The following ST8SIA6 variants were observed in gnomAD, a reference collection of about 807,000 sequenced individuals.
The protein encoded by ST8SIA6 is ST8 alpha-N-acetyl-neuraminide alpha-2,8-sialyltransferase 6.
In ST8SIA6, 39 loss-of-function variants were observed where a neutral mutation model predicts 33.6. The ratio of observed to expected loss-of-function variants is 1.16; its 90% CI spans 0.90 to 1.52. ST8SIA6 has a LOEUF of 1.52. Ranked by LOEUF, ST8SIA6 falls within the 40% of genes most tolerant of loss-of-function variation. The pLI is 0.00. For missense variants in ST8SIA6, 441 were observed against 443.8 expected (o/e 0.99, Z 0.06); for synonymous variants, 172 against 167.2 (o/e 1.03, Z -0.22).
At chr10:17,353,929 G>A (rs994930309) in intron 4 of ST8SIA6, among the ~76,000 whole-genome samples, 5 of 152,146 alleles carry the variant, frequency 3.3e-5, no homozygotes, top group African/African-American at 4.8e-5. Context: ...TGTGTATTTC[G>A]GGGTTGGGGG....
At chr10:17,412,024 C>T (rs1316255702) in intron 2 of ST8SIA6, among the ~76,000 whole-genome samples, 2 of 152,020 alleles carry the variant, frequency 1.3e-5, no homozygotes, top group Non-Finnish European at 2.9e-5. Context: ...TTAAGCCCCT[C>T]TCGCTGCACC....
chr10:17,432,320 A>G (rs552080845), intron 2 of ST8SIA6, among the ~76,000 whole-genome samples: 137 of 152,260 alleles, frequency 9.0e-4, no homozygotes, highest in African/African-American at 3.2e-3. Flanking sequence ...TAAAAGGACC[A>G]CTTAGTGTGC....
At chr10:17,333,012 A>G (rs111349630) in intron 4 of ST8SIA6, among the ~76,000 whole-genome samples, 2,430 of 152,078 alleles carry the variant, frequency 0.016, 25 homozygotes, top group Non-Finnish European at 0.022. Context: ...TTGCCTGTTC[A>G]CTCCGATGCT....
At chr10:17,359,747 A>T (rs778349389) in intron 3 of ST8SIA6, 147 bp from the exon 4 acceptor site, 2 of 477,222 alleles carry the variant, frequency 4.2e-6, no homozygotes, top group African/African-American at 4.1e-5. Flanking sequence ...TACTCATTTC[A>T]AAACACTGAG....
intron 3 of ST8SIA6, among the ~76,000 whole-genome samples, chr10:17,367,483 G>T (rs988411679): frequency 1.3e-5 from 2 of 152,044 alleles, no homozygotes; most frequent in African/African-American, 4.8e-5. Context: ...TGAGACTTGG[G>T]TGAGGACACA....
In ST8SIA6 at chr10:17,320,729, T is replaced by C; in HGVS notation, c.*149A>G. On this transcript the variant is annotated 3_prime_UTR_variant, in exon 8 of 8. Coordinates refer to ENST00000377602, the MANE Select transcript of ST8SIA6 (RefSeq NM_001004470.3). ...ATGAGAAGGATTGAATGACTTGCCATCATTGCAAAATGAGTGGGGAAGCTT... is the reference window on the plus strand; with the variant it reads ...ATGAGAAGGATTGAATGACTTGCCACCATTGCAAAATGAGTGGGGAAGCTT... 4 of 677,312 alleles carry C rather than the reference T, an allele frequency of 5.9e-6. No homozygotes were observed. Among genetic ancestry groups the C allele is most frequent in the African/African-American group, 3.6e-5 (2 of 55,114 alleles). 42.0% of individuals were successfully genotyped at this position (677,312 alleles called of 1,614,324 possible).
rs894934183 is a variant in ST8SIA6 at position 17,319,309 on chromosome 10, T to G, written c.*1569A>C. On this transcript the variant is annotated 3_prime_UTR_variant, in exon 8 of 8. Transcript: ENST00000377602. Reference sequence around the variant, plus strand: ...CTATGAACACTATTTTGCAGATTTGTAGATTAATTACCACCAATTCTGACT... The same window carrying G: ...CTATGAACACTATTTTGCAGATTTGGAGATTAATTACCACCAATTCTGACT... Among the ~76,000 whole-genome samples the G allele has an allele frequency of 6.6e-6, 1 of 152,192 alleles. No homozygotes were observed. Among genetic ancestry groups the G allele is most frequent in the Non-Finnish European group, 1.5e-5 (1 of 68,024 alleles).
intron 7 of ST8SIA6, 123 bp downstream of exon 7, chr10:17,322,942 C>G: frequency 1.3e-6 from 1 of 788,330 alleles, no homozygotes; most frequent in South Asian, 2.6e-5. Flanking sequence ...ATATATTTTT[C>G]CAAAAACTCA....
At chr10:17,326,033 T>G (rs45544936) in intron 6 of ST8SIA6, among the ~76,000 whole-genome samples, 2,863 of 152,310 alleles carry the variant, frequency 0.019, 31 homozygotes, top group African/African-American at 0.023. Context: ...GAACAAAATG[T>G]GTAAACCATT....
intron 4 of ST8SIA6, among the ~76,000 whole-genome samples, chr10:17,346,451 G>A (rs1456405561): frequency 6.6e-6 from 1 of 152,124 alleles, no homozygotes; most frequent in Non-Finnish European, 1.5e-5. Flanking sequence ...AAAATTAGCT[G>A]GGCTTGGTGG....
At chr10:17,379,419 G>C (rs359324) in intron 3 of ST8SIA6, among the ~76,000 whole-genome samples, 41,902 of 152,026 alleles carry the variant, frequency 0.28, 6,568 homozygotes, top group East Asian at 0.66. Context: ...GGAGTGTCGG[G>C]TCACACCTGT....
chr10:17,329,122 C>G (rs1245260455), intron 5 of ST8SIA6, among the ~76,000 whole-genome samples: 1 of 152,208 alleles, frequency 6.6e-6, no homozygotes, highest in African/African-American at 2.4e-5. Context: ...AGCAAAGAAA[C>G]TCGGTTTCAG....
At chr10:17,447,024 CAAAAAAAA>C in intron 2 of ST8SIA6, among the ~76,000 whole-genome samples, 1 of 63,378 alleles carries the variant, frequency 1.6e-5, no homozygotes, top group Non-Finnish European at 3.2e-5. Flanking sequence ...GACTCTGTCT[CAAAAAAAA>C]AAAAAAAAAG....
intron 1 of ST8SIA6, 86 bp from the exon 2 acceptor site, chr10:17,453,743 C>T (rs937195849): frequency 8.3e-6 from 9 of 1,082,820 alleles, no homozygotes; most frequent in Non-Finnish European, 1.1e-5. Context: ...CCTTGCCTGG[C>T]AGGGAGATCT....
At chr10:17,376,243 T>C (rs1849913934) in intron 3 of ST8SIA6, among the ~76,000 whole-genome samples, 1 of 152,190 alleles carries the variant, frequency 6.6e-6, no homozygotes, top group Non-Finnish European at 1.5e-5. Flanking sequence ...TGAAAATGGC[T>C]TGATCTTAAG....
chr10:17,368,232 CAAAAAAAA>C (rs61426907), intron 3 of ST8SIA6, among the ~76,000 whole-genome samples: 120 of 74,178 alleles, frequency 1.6e-3, no homozygotes, highest in African/African-American at 6.0e-3. Context: ...CCTGTCTCTA[CAAAAAAAA>C]AAAAAAAAAA....
intron 2 of ST8SIA6, among the ~76,000 whole-genome samples, chr10:17,392,329 G>T (rs1266928689): frequency 6.6e-6 from 1 of 152,158 alleles, no homozygotes; most frequent in African/African-American, 2.4e-5. Context: ...ACCCAAGGAT[G>T]ATCCAAACAA....
intron 4 of ST8SIA6, among the ~76,000 whole-genome samples, chr10:17,342,164 C>T (rs898188740): frequency 3.3e-5 from 5 of 152,280 alleles, no homozygotes; most frequent in Admixed American, 6.5e-5. Flanking sequence ...GAGCAGCCAG[C>T]GGTGATGTCC....
intron 3 of ST8SIA6, among the ~76,000 whole-genome samples, chr10:17,378,262 G>C (rs1399351151): frequency 6.6e-6 from 1 of 152,172 alleles, no homozygotes; most frequent in Non-Finnish European, 1.5e-5. Context: ...CCTTGAAAAA[G>C]ATGTCTTCCA....
Sources: gnomAD v4.1 joint callset for allele counts (sites outside exome capture counted in the v4.1 genomes callset) on GRCh38, gnomAD v4.1.1 for gene constraint, MANE v1.5 for transcripts, NCBI Gene and HGNC (gene_info 2026-07-23, HGNC 2026-07-21) for gene names.